Variants in SYNPR observed in about 807,000 individuals in gnomAD.
The protein encoded by SYNPR is synaptoporin.
Under a neutral mutation model 32.9 loss-of-function variants are expected in SYNPR, and 23 were observed. That is an observed-to-expected ratio of 0.70 (90% confidence interval 0.50 to 0.99). The LOEUF is 0.99. Among genes scored for constraint, SYNPR ranks in the 50% least tolerant of loss-of-function variants. The probability of loss-of-function intolerance (pLI) is 0.00; values close to 1 mark genes in which losing one functional copy is unlikely to be tolerated. For missense variants in SYNPR, 318 were observed against 349.3 expected, an observed-to-expected ratio of 0.91 and a Z score of 0.71; for synonymous variants, 146 against 135.9, an observed-to-expected ratio of 1.07 and a Z score of -0.52.
chr3:63,472,591 A>G (rs1192589604), intron 2 of SYNPR, among the ~76,000 whole-genome samples: 1 of 152,124 alleles, frequency 6.6e-6, no homozygotes, highest in Non-Finnish European at 1.5e-5. Flanking sequence ...TGCTTACTCA[A>G]TAAAATTTGT....
chr3:63,316,855 T>A (rs1019494209), intron 2 of SYNPR, among the ~76,000 whole-genome samples: 11 of 151,936 alleles, frequency 7.2e-5, no homozygotes, highest in African/African-American at 2.7e-4. Context: ...CAATCTTTTT[T>A]ATATAGGTGC....
chr3:63,255,635 A>G (rs2086375461), intron 2 of SYNPR, among the ~76,000 whole-genome samples: 1 of 152,178 alleles, frequency 6.6e-6, no homozygotes, highest in African/African-American at 2.4e-5. Flanking sequence ...AGATGGCCAA[A>G]TAGGAACAGC....
intron 3 of SYNPR, among the ~76,000 whole-genome samples, chr3:63,520,036 T>TGGTA (rs1214632433): frequency 6.6e-6 from 1 of 152,208 alleles, no homozygotes; most frequent in Non-Finnish European, 1.5e-5. Context: ...TGGAGTCAGA[T>TGGTA]GGTAGGTTCT....
intron 2 of SYNPR, among the ~76,000 whole-genome samples, chr3:63,287,623 G>T (rs181486432): frequency 6.6e-6 from 1 of 152,258 alleles, no homozygotes; most frequent in African/African-American, 2.4e-5. Context: ...CCAGGCAGTA[G>T]GTGCTTAGAA....
In SYNPR at chr3:63,446,283, T is replaced by G. The variant is rs1157106229; in HGVS notation, c.85-34549T>G. On this transcript the variant is annotated intron_variant, in intron 2 of 5. Transcript: ENST00000478300. ...TCCCTTTACTCACTCCCACCATGTT[T>G]TTTTTTTTTTTTTAATTTCTATTCT... 2.6e-5 allele frequency among the ~76,000 whole-genome samples: 4 copies of G among 151,264 alleles called. No individual in the cohort carries two copies. The East Asian group carries it at 7.7e-4, about 29-fold the overall frequency.
intron 4 of SYNPR, among the ~76,000 whole-genome samples, chr3:63,591,421 A>G (rs1260383473): frequency 2.0e-4 from 24 of 121,128 alleles, no homozygotes; most frequent in African/African-American, 5.4e-4. Flanking sequence ...ATCTAGAACT[A>G]GAAATACCAT....
At chr3:63,432,934 T>C (rs186428583) in intron 2 of SYNPR, among the ~76,000 whole-genome samples, 1 of 152,292 alleles carries the variant, frequency 6.6e-6, no homozygotes, top group African/African-American at 2.4e-5. Context: ...ATTCCAGATT[T>C]CTAAGTACTC....
At chr3:63,470,620 T>C (rs953328286) in intron 2 of SYNPR, among the ~76,000 whole-genome samples, 9 of 152,176 alleles carry the variant, frequency 5.9e-5, no homozygotes, top group African/African-American at 2.2e-4. Flanking sequence ...GGAAGCTTGT[T>C]TTATTTCTGC....
chr3:63,476,321 C>G (rs887591896), intron 2 of SYNPR, among the ~76,000 whole-genome samples: 1,620 of 24,962 alleles, frequency 0.065, 26 homozygotes, highest in Admixed American at 0.074. Flanking sequence ...GGGAGGGAAG[C>G]AAGGGAAGGA....
chr3:63,285,762 A>G (rs1347205062), intron 2 of SYNPR, among the ~76,000 whole-genome samples: 2 of 152,182 alleles, frequency 1.3e-5, no homozygotes, highest in Non-Finnish European at 2.9e-5. Context: ...TAGCTTTGTT[A>G]CCTTGGGCAA....
intron 4 of SYNPR, among the ~76,000 whole-genome samples, chr3:63,599,242 T>A (rs747936416): frequency 6.6e-6 from 1 of 152,164 alleles, no homozygotes; most frequent in African/African-American, 2.4e-5. Flanking sequence ...ATTTTAAAAA[T>A]TAATTTAGTG....
chr3:63,289,338 C>G (rs1438957142), intron 2 of SYNPR: 3 of 152,288 alleles, frequency 2.0e-5, no homozygotes, highest in Non-Finnish European at 2.9e-5. Context: ...GAGTAATTTA[C>G]AAAGAAAATG....
chr3:63,363,237 T>A (rs922686485), intron 2 of SYNPR, among the ~76,000 whole-genome samples: 3 of 152,240 alleles, frequency 2.0e-5, no homozygotes, highest in Non-Finnish European at 4.4e-5. Context: ...CTTAATGTTA[T>A]CAGCCTTTTA....
At chr3:63,533,913 T>C (rs1329590320) in intron 3 of SYNPR, among the ~76,000 whole-genome samples, 2 of 152,052 alleles carry the variant, frequency 1.3e-5, no homozygotes, top group Non-Finnish European at 2.9e-5. Context: ...AGAGATTGAG[T>C]GTTTTGGCAA....
At chr3:63,304,127 A>C (rs1296488729) in intron 2 of SYNPR, among the ~76,000 whole-genome samples, 1 of 152,048 alleles carries the variant, frequency 6.6e-6, no homozygotes, top group Non-Finnish European at 1.5e-5. Context: ...TGATACATTT[A>C]AATGGCAAAA....
chr3:63,577,573 A>G (rs1416916072), intron 4 of SYNPR, among the ~76,000 whole-genome samples: 2 of 152,132 alleles, frequency 1.3e-5, no homozygotes, highest in Non-Finnish European at 2.9e-5. Context: ...AGAGAACTAG[A>G]GTAATGGATC....
At chr3:63,260,944 A>G (rs2086432157) in intron 2 of SYNPR, among the ~76,000 whole-genome samples, 1 of 152,226 alleles carries the variant, frequency 6.6e-6, no homozygotes, top group Non-Finnish European at 1.5e-5. Flanking sequence ...ACATTTATGC[A>G]GCCAAAAGAC....
chr3:63,522,819 G>A lies in SYNPR; in HGVS notation c.210-33724G>A, dbSNP rs1199346940. 5.3e-5 allele frequency among the ~76,000 whole-genome samples: 8 copies of A among 152,114 alleles called. No homozygotes were observed. The South Asian group carries it at 1.4e-3, about 28-fold the overall frequency. ...CAAGGGGTCCAGGGGAGGTCTGAGC[G>A]GAGGCAGAGAAGATCATGCAGGGTC... On this transcript the variant is annotated intron_variant, in intron 3 of 5. Coordinates refer to ENST00000478300, the MANE Select transcript of SYNPR (RefSeq NM_001130003.2).
chr3:63,313,946 T>TATATATATATATCC, intron 2 of SYNPR, among the ~76,000 whole-genome samples: 1 of 6,158 alleles, frequency 1.6e-4, no homozygotes, highest in African/African-American at 4.9e-4. Flanking sequence ...TATATATCCA[T>TATATATATATATCC]ATATATATAT....
Sources: allele counts gnomAD v4.1 joint callset (sites outside exome capture counted in the v4.1 genomes callset), GRCh38; gene constraint gnomAD v4.1.1; transcripts MANE v1.5; gene names NCBI Gene and HGNC (gene_info 2026-07-23, HGNC 2026-07-21).